The following DMD variants were observed in gnomAD, a reference collection of about 807,000 sequenced individuals.
DMD encodes the protein mutant dystrophin.
DMD carries 63 observed loss-of-function variants against 330.1 expected under a neutral mutation model. That is an observed-to-expected ratio of 0.19 (90% CI 0.16 to 0.24). The LOEUF (loss-of-function observed/expected upper bound fraction) is 0.24, where lower values mean the gene tolerates loss of function less well. DMD is among the 10% of genes least tolerant of loss of function. DMD has a pLI of 1.00. For synonymous variants in DMD, 1,223 were observed against 959.8 expected (o/e 1.27, Z -5.07); for missense variants, 3,344 against 2,684.1 (o/e 1.25, Z -5.43).
chrX:31,826,856 G>C (rs749657929), intron 49 of DMD, among the ~76,000 whole-genome samples: 1 of 112,083 alleles, frequency 8.9e-6, no homozygotes, highest in African/African-American at 3.2e-5. Flanking sequence ...TTCCGCACAA[G>C]AGCTCCAAAC....
intron 2 of DMD, among the ~76,000 whole-genome samples, chrX:32,941,960 G>A (rs2090450002): frequency 9.0e-6 from 1 of 111,707 alleles, no homozygotes. Flanking sequence ...TACTCTGCAG[G>A]TTATCAGAAA....
chrX:32,777,277 T>TGGGGGGGGGGGGGGGGGTGGGG (rs546914107), intron 7 of DMD, among the ~76,000 whole-genome samples: 1 of 2,113 alleles, frequency 4.7e-4, no homozygotes, highest in Non-Finnish European at 7.0e-4. Context: ...GGTTTCTGGT[T>TGGGGGGGGGGGGGGGGGTGGGG]GGGGGGGGAA....
chrX:32,525,666 A>G (rs953827895), intron 17 of DMD, among the ~76,000 whole-genome samples: 3 of 111,307 alleles, frequency 2.7e-5, no homozygotes, highest in African/African-American at 9.8e-5. Flanking sequence ...TATTCCTCAG[A>G]TATCTTTGCT....
At chrX:31,967,620 A>G (rs2095363504) in intron 45 of DMD, among the ~76,000 whole-genome samples, 1 of 111,340 alleles carries the variant, frequency 9.0e-6, no homozygotes. Flanking sequence ...TCATAACAAT[A>G]GTCTCATTTG....
chrX:33,036,443 T>C (rs1011962402), intron 1 of DMD, among the ~76,000 whole-genome samples: 4 of 111,059 alleles, frequency 3.6e-5, no homozygotes, highest in African/African-American at 9.8e-5. Flanking sequence ...AAAATTACCG[T>C]TCTGCTTTTT....
intron 7 of DMD, among the ~76,000 whole-genome samples, chrX:32,707,845 G>C (rs1360469980): frequency 1.8e-5 from 2 of 111,602 alleles, no homozygotes; most frequent in Non-Finnish European, 3.8e-5. Flanking sequence ...CAATTCTCTC[G>C]ACATGCCTGT....
At chrX:32,984,966 C>G (rs1370462342) in intron 2 of DMD, among the ~76,000 whole-genome samples, 1 of 111,892 alleles carries the variant, frequency 8.9e-6, no homozygotes. Context: ...ACTTAATTTT[C>G]AACCTCCCGA....
intron 1 of DMD, among the ~76,000 whole-genome samples, chrX:33,207,967 C>A (rs1163983699): frequency 1.8e-5 from 2 of 111,405 alleles, no homozygotes; most frequent in Non-Finnish European, 3.8e-5. Context: ...AGAACACAAA[C>A]CTCCTAGGAC....
intron 63 of DMD, among the ~76,000 whole-genome samples, chrX:31,259,437 C>CA (rs900078064): frequency 1.8e-5 from 2 of 111,842 alleles, no homozygotes; most frequent in Admixed American, 9.5e-5. Context: ...GATAAGCATT[C>CA]ACGTTTTCCA....
chrX:32,252,765 T>TATATAAAA (rs1557243501), intron 43 of DMD, among the ~76,000 whole-genome samples: 1 of 38,845 alleles, frequency 2.6e-5, no homozygotes, highest in Non-Finnish European at 3.6e-5. Flanking sequence ...AATATATAAA[T>TATATAAAA]ATATATAAAT....
At chrX:32,634,332 G>A (rs1403239808) in intron 11 of DMD, among the ~76,000 whole-genome samples, 1 of 111,470 alleles carries the variant, frequency 9.0e-6, no homozygotes, top group East Asian at 2.9e-4. Flanking sequence ...GCCCCACTGT[G>A]GTCAAACTGG....
intron 4 of DMD, among the ~76,000 whole-genome samples, chrX:32,832,795 C>G (rs1055602128): frequency 9.0e-6 from 1 of 111,513 alleles, no homozygotes; most frequent in Non-Finnish European, 1.9e-5. Context: ...GAATCTTTTT[C>G]TTATTAAATC....
intron 3 of DMD, among the ~76,000 whole-genome samples, chrX:32,846,178 G>A (rs1355511903): frequency 9.0e-6 from 1 of 111,443 alleles, no homozygotes; most frequent in Non-Finnish European, 1.9e-5. Flanking sequence ...TTTAATCCCC[G>A]CCTTGCAAGG....
chrX:31,486,072 TA>T (rs1355210111), intron 57 of DMD, among the ~76,000 whole-genome samples: 1 of 112,531 alleles, frequency 8.9e-6, no homozygotes, highest in Admixed American at 9.4e-5. Flanking sequence ...GGGCATTTGC[TA>T]AAACCTTATC....
chrX:33,196,083 C>T (rs988572746), intron 1 of DMD, among the ~76,000 whole-genome samples: 2 of 110,619 alleles, frequency 1.8e-5, no homozygotes, highest in Non-Finnish European at 3.8e-5. Context: ...ATTTTCTGAC[C>T]TAGGGTAGTA....
At chrX:31,910,663 G>T (rs2094536272) in intron 47 of DMD, among the ~76,000 whole-genome samples, 1 of 112,222 alleles carries the variant, frequency 8.9e-6, no homozygotes, top group Non-Finnish European at 1.9e-5. Context: ...GATGGATCTT[G>T]TTTGGAGATG....
chrX:31,861,424 A>T (rs1383682564), intron 48 of DMD, among the ~76,000 whole-genome samples: 1 of 110,195 alleles, frequency 9.1e-6, no homozygotes, highest in African/African-American at 3.3e-5. Context: ...GACGGCTAGG[A>T]ATTTATCACA....
chrX:32,287,766 T>A (rs1321658252), intron 42 of DMD, 65 bp from the exon 43 acceptor site: 11 of 749,609 alleles, frequency 1.5e-5, no homozygotes, highest in Admixed American at 3.5e-5. Context: ...GAGAAAAATA[T>A]ATATATATAT....
intron 59 of DMD, among the ~76,000 whole-genome samples, chrX:31,449,787 T>TAGATAGATAGATAG (rs35306515): frequency 1.1e-4 from 10 of 89,689 alleles, no homozygotes; most frequent in African/African-American, 3.0e-4. Context: ...TATATATATA[T>TAGATAGATAGATAG]ATATATATAT....
Sources: allele counts gnomAD v4.1 joint callset (sites outside exome capture counted in the v4.1 genomes callset), GRCh38; gene constraint gnomAD v4.1.1; transcripts MANE v1.5; gene names NCBI Gene and HGNC (gene_info 2026-07-23, HGNC 2026-07-21).